Variants in SAMD13 observed in about 807,000 individuals in gnomAD.
SAMD13 encodes sterile alpha motif domain containing 13.
SAMD13 carries 9 observed loss-of-function variants against 12.4 expected under a neutral mutation model. That is an observed-to-expected ratio of 0.72 (90% CI 0.44 to 1.26). The LOEUF (loss-of-function observed/expected upper bound fraction) is 1.26. SAMD13 is among the 50% of genes most tolerant of loss of function. SAMD13 has a pLI of 0.00. For missense variants in SAMD13, 84 were observed against 119.6 expected, an observed-to-expected ratio of 0.70 and a Z score of 1.39; for synonymous variants, 46 against 45.4, an observed-to-expected ratio of 1.01 and a Z score of -0.05.
Position 84,350,398 on chromosome 1 carries a change from G to A in SAMD13, c.*624G>A, listed in dbSNP as rs1292672923. 1 of 152,208 alleles carries A rather than the reference G, an allele frequency of 6.6e-6. No individual in the cohort carries two copies. The highest frequency in any genetic ancestry group is 1.5e-5 in the Non-Finnish European group (1 of 68,026). 9.4% of individuals were successfully genotyped at this position (152,208 alleles called of 1,614,324 possible). A position where few individuals can be genotyped will look rare whatever the true frequency, so the allele number is the denominator to read the frequency against. ...GAAAAGAGAAGCTCCGTTGTGTACT[G>A]AGGATATCCATCCATATTCAGCTAG... On this transcript the variant is annotated 3_prime_UTR_variant, in exon 4 of 4. Coordinates refer to ENST00000394834, the MANE Select transcript of SAMD13 (RefSeq NM_001134663.2).
chr1:84,337,968 A>G (rs1326361745), intron 3 of SAMD13, among the ~76,000 whole-genome samples: 2 of 152,216 alleles, frequency 1.3e-5, no homozygotes, highest in African/African-American at 2.4e-5. Flanking sequence ...CTAAAATATA[A>G]CAAGAGTCAC....
chr1:84,339,297 T>G (rs897481931), intron 3 of SAMD13, among the ~76,000 whole-genome samples: 1 of 152,210 alleles, frequency 6.6e-6, no homozygotes. Flanking sequence ...TTTTATTTTT[T>G]TATTTTTTCA....
chr1:84,335,273 A>T (rs1558459055), intron 3 of SAMD13, among the ~76,000 whole-genome samples: 1 of 152,208 alleles, frequency 6.6e-6, no homozygotes, highest in Non-Finnish European at 1.5e-5. Context: ...TTCTTGTTGA[A>T]TTGAGCCCTT....
At position 84,336,118 on chromosome 1, in the gene SAMD13, C is replaced by T. The variant is rs140421372; in HGVS notation, c.165+10370C>T. Among the ~76,000 whole-genome samples the T allele has an allele frequency of 2.0e-3, 308 of 152,296 alleles. 3 individuals carry two copies. Among genetic ancestry groups the T allele is most frequent in the East Asian group, 0.014 (72 of 5,188 alleles). ...TCTAGCAAGGTTGGGGAAACTTTCACGGACAATATCCTCAAATGTATTTTC... is the reference window on the plus strand; with the variant it reads ...TCTAGCAAGGTTGGGGAAACTTTCATGGACAATATCCTCAAATGTATTTTC... On this transcript the variant is annotated intron_variant, in intron 3 of 3. Transcript: ENST00000394834.
At chr1:84,337,685 G>A (rs1345016714) in intron 3 of SAMD13, among the ~76,000 whole-genome samples, 3 of 152,176 alleles carry the variant, frequency 2.0e-5, no homozygotes, top group African/African-American at 7.2e-5. Flanking sequence ...TTAACATTTG[G>A]CTGTTCATTA....
chr1:84,328,472 A>G (rs1034525248), intron 3 of SAMD13, among the ~76,000 whole-genome samples: 2 of 152,104 alleles, frequency 1.3e-5, no homozygotes, highest in African/African-American at 2.4e-5. Context: ...GTCAGGGAAG[A>G]GTCTGCCTTG....
chr1:84,313,191 A>G (rs1678752707), intron 2 of SAMD13, among the ~76,000 whole-genome samples: 1 of 152,204 alleles, frequency 6.6e-6, no homozygotes, highest in African/African-American at 2.4e-5. Context: ...CATGCATTAA[A>G]GAATGTACAT....
chr1:84,333,981 C>T (rs1679245392), intron 3 of SAMD13, among the ~76,000 whole-genome samples: 1 of 152,038 alleles, frequency 6.6e-6, no homozygotes, highest in African/African-American at 2.4e-5. Flanking sequence ...ATTTTTGCAT[C>T]AATGTTCATC....
chr1:84,349,918 T>C lies in SAMD13; in HGVS notation c.*144T>C. Reference sequence around the variant, plus strand: ...TGAAACGTTATCCTATTGGATAGACTAGGCAATTCATCAGCTCACCTGAAA... The same window carrying C: ...TGAAACGTTATCCTATTGGATAGACCAGGCAATTCATCAGCTCACCTGAAA... On this transcript the variant is annotated 3_prime_UTR_variant, in exon 4 of 4. Coordinates refer to ENST00000394834, the MANE Select transcript of SAMD13 (RefSeq NM_001134663.2). The C allele has an allele frequency of 5.9e-6, 8 of 1,362,758 alleles. No individual in the cohort carries two copies. The highest frequency in any genetic ancestry group is 5.2e-5 in the East Asian group (2 of 38,554). 84.4% of individuals were successfully genotyped at this position (1,362,758 alleles called of 1,614,324 possible). A position where few individuals can be genotyped will look rare whatever the true frequency, so the allele number is the denominator to read the frequency against.
intron 1 of SAMD13, chr1:84,302,148 A>G (rs1678464308): frequency 6.6e-6 from 1 of 152,188 alleles, no homozygotes; most frequent in Admixed American, 6.5e-5. Flanking sequence ...CCACACTTAC[A>G]GTGTTATTTG....
chr1:84,309,153 A>G (rs1432434614), intron 2 of SAMD13, among the ~76,000 whole-genome samples: 1 of 152,220 alleles, frequency 6.6e-6, no homozygotes, highest in Non-Finnish European at 1.5e-5. Context: ...GTGAATACTT[A>G]AAAATGACAT....
chr1:84,324,676 T>C (rs1679018106), intron 2 of SAMD13, among the ~76,000 whole-genome samples: 2 of 152,118 alleles, frequency 1.3e-5, no homozygotes, highest in South Asian at 4.1e-4. Flanking sequence ...GGCTATGTGA[T>C]TGGATGTACA....
chr1:84,298,585 G>T, upstream of SAMD13: 2 of 1,285,072 alleles, frequency 1.6e-6, no homozygotes, highest in South Asian at 7.3e-5. Context: ...ATCTGCCTGT[G>T]CGCCCAGGGC....
intron 3 of SAMD13, among the ~76,000 whole-genome samples, chr1:84,340,763 C>T (rs1301952016): frequency 6.6e-6 from 1 of 152,082 alleles, no homozygotes; most frequent in East Asian, 1.9e-4. Context: ...ATAAGATTGT[C>T]CTTATGTGAT....
intron 2 of SAMD13, among the ~76,000 whole-genome samples, chr1:84,307,119 G>A (rs186352412): frequency 5.3e-5 from 8 of 152,082 alleles, no homozygotes; most frequent in South Asian, 2.1e-4. Context: ...TCAACCATTC[G>A]TTTTCAAATA....
At chr1:84,311,874 A>T (rs1332894904) in intron 2 of SAMD13, among the ~76,000 whole-genome samples, 1 of 152,186 alleles carries the variant, frequency 6.6e-6, no homozygotes, top group East Asian at 1.9e-4. Flanking sequence ...TTCTTTATGA[A>T]TTAGGAAGTC....
At chr1:84,312,792 A>G (rs1678742967) in intron 2 of SAMD13, among the ~76,000 whole-genome samples, 1 of 152,202 alleles carries the variant, frequency 6.6e-6, no homozygotes, top group Admixed American at 6.5e-5. Context: ...TTAAATTTAA[A>G]ACTTAGTTCC....
At chr1:84,348,216 A>G (rs1679573298) in intron 3 of SAMD13, among the ~76,000 whole-genome samples, 1 of 152,198 alleles carries the variant, frequency 6.6e-6, no homozygotes, top group Non-Finnish European at 1.5e-5. Flanking sequence ...CAAGGAGGAA[A>G]GAGAAGAGAA....
chr1:84,317,731 C>T (rs1369232768), intron 2 of SAMD13, among the ~76,000 whole-genome samples: 1 of 151,998 alleles, frequency 6.6e-6, no homozygotes, highest in Non-Finnish European at 1.5e-5. Flanking sequence ...AGAAATGTTC[C>T]CTCCTCTTCA....
Sources: gnomAD v4.1 joint callset for allele counts (sites outside exome capture counted in the v4.1 genomes callset) on GRCh38, gnomAD v4.1.1 for gene constraint, MANE v1.5 for transcripts, NCBI Gene and HGNC (gene_info 2026-07-23, HGNC 2026-07-21) for gene names.